ZNF676: variants seen among roughly 807,000 people sequenced by gnomAD.
ZNF676 encodes the protein zinc finger protein 676.
A neutral mutation model predicts 6.0 loss-of-function variants in ZNF676; 4 were observed. The ratio of observed to expected loss-of-function variants is 0.67; its 90% CI spans 0.33 to 1.53. The LOEUF is 1.53. Among genes scored for constraint, ZNF676 ranks in the 40% most tolerant of loss-of-function variants. The pLI is 0.06. For synonymous variants in ZNF676, 198 were observed against 223.1 expected, an observed-to-expected ratio of 0.89 and a Z score of 1.00; for missense variants, 644 against 679.7, an observed-to-expected ratio of 0.95 and a Z score of 0.58.
the ZNF676 span, among the ~76,000 whole-genome samples, chr19:22,257,347 AG>A: frequency 6.6e-6 from 1 of 152,134 alleles, no homozygotes; most frequent in African/African-American, 2.4e-5. Flanking sequence ...GTCAGGGTCA[AG>A]GTAAAAGTCT....
chr19:22,179,835 C>T lies in ZNF676; in HGVS notation c.*115G>A, dbSNP rs2023703966. 1 of 1,185,918 alleles carries T rather than the reference C, an allele frequency of 8.4e-7. No individual in the cohort carries two copies. The highest frequency in any genetic ancestry group is 1.9e-5 in the Admixed American group (1 of 51,748). The allele number at this position is 1,185,918 out of a possible 1,614,324, so 73.5% of individuals were successfully genotyped here. A position where few individuals can be genotyped will look rare whatever the true frequency, so the allele number is the denominator to read the frequency against. On this transcript the variant is annotated 3_prime_UTR_variant, in exon 3 of 3. Transcript: ENST00000397121. ...TCTTATGTGTAATAAAGATTGAGGA[C>T]TGTTTAAAAGCTTTGCCACATTCTT...
At chr19:22,192,644 C>G (rs1252877598) in intron 2 of ZNF676, among the ~76,000 whole-genome samples, 1 of 152,096 alleles carries the variant, frequency 6.6e-6, no homozygotes, top group Non-Finnish European at 1.5e-5. Flanking sequence ...CTCTCACACA[C>G]TTCAGAGATG....
intron 1 of ZNF676, among the ~76,000 whole-genome samples, chr19:22,208,965 C>T (rs935761504): frequency 2.6e-5 from 4 of 151,652 alleles, no homozygotes; most frequent in Non-Finnish European, 5.9e-5. Context: ...AATAAAAAAC[C>T]TAATAAAAAC....
intron 2 of ZNF676, among the ~76,000 whole-genome samples, chr19:22,190,668 T>TATATATAC (rs1233210246): frequency 1.2e-3 from 108 of 93,702 alleles, no homozygotes; most frequent in African/African-American, 4.9e-3. Context: ...TATATATACA[T>TATATATAC]ACACACTTTA....
At chr19:22,217,931 T>C (rs10426859), upstream of ZNF676, among the ~76,000 whole-genome samples, 5,443 of 151,770 alleles carry the variant, frequency 0.036, 321 homozygotes, top group African/African-American at 0.12. Context: ...CTGGAACTCC[T>C]GACCTCAGGT....
At chr19:22,239,960 A>G in the ZNF676 span, among the ~76,000 whole-genome samples, 4 of 152,240 alleles carry the variant, frequency 2.6e-5, no homozygotes, top group Admixed American at 2.6e-4. Context: ...AAAACCTGAC[A>G]TAGGTCACAA....
At chr19:22,217,149 C>T (rs1000681409), upstream of ZNF676, among the ~76,000 whole-genome samples, 2 of 151,992 alleles carry the variant, frequency 1.3e-5, no homozygotes, top group African/African-American at 4.8e-5. Context: ...CCCTCACCCC[C>T]TCTCCTACCC....
chr19:22,241,765 G>A, the ZNF676 span, among the ~76,000 whole-genome samples: 1 of 151,870 alleles, frequency 6.6e-6, no homozygotes, highest in Admixed American at 6.6e-5. Context: ...CTGCTCCGGA[G>A]AGGAGATTCC....
In ZNF676 at chr19:22,180,564, C is replaced by T. The variant is rs746950296; in HGVS notation, c.1153G>A (p.Ala385Thr). ...TAGGGCTTCTCTTCAGCATGAATTG[C>T]CTTATGTGTATTAAGGGTTGAGACC... ...SKVSTLNTHK[A>T]IHAEEKPYKC... Residue 385 changes from alanine to threonine, a missense_variant, in exon 3 of 3, where the codon GCA becomes ACA. This residue lies in a region of ZNF676 where 306 missense variants were observed against 265.4 expected (regional missense o/e 1.15). Coordinates refer to ENST00000397121, the MANE Select transcript of ZNF676 (RefSeq NM_001001411.3). The T allele has an allele frequency of 3.9e-5, 63 of 1,597,588 alleles. No individual in the cohort carries two copies. Among genetic ancestry groups the T allele is most frequent in the Non-Finnish European group, 4.9e-5 (58 of 1,174,658 alleles).
intron 1 of ZNF676, among the ~76,000 whole-genome samples, chr19:22,207,501 T>C (rs1172520974): frequency 1.3e-5 from 2 of 152,142 alleles, no homozygotes; most frequent in African/African-American, 4.8e-5. Flanking sequence ...ATCACTATCA[T>C]AAAAATGGCC....
chr19:22,242,922 C>T, the ZNF676 span, among the ~76,000 whole-genome samples: 24 of 151,980 alleles, frequency 1.6e-4, no homozygotes, highest in Non-Finnish European at 2.6e-4. Flanking sequence ...CCACTGTGTA[C>T]TGGTCCCAGA....
chr19:22,212,352 T>C (rs1468915492), intron 1 of ZNF676, among the ~76,000 whole-genome samples: 1 of 152,182 alleles, frequency 6.6e-6, no homozygotes, highest in Non-Finnish European at 1.5e-5. Context: ...TTATGCCCTT[T>C]GTAAATATTT....
In ZNF676 at chr19:22,196,912, G is replaced by C; in HGVS notation, c.-279C>G. ...AATGTATTCTCTAACTCTGAGAAAA[G>C]AAAGTGGTATAAGATCCATAACATC... is the stretch of plus-strand genomic sequence containing the variant. On this transcript the variant is annotated 5_prime_UTR_variant, in exon 1 of 3. Coordinates refer to ENST00000397121, the MANE Select transcript of ZNF676 (RefSeq NM_001001411.3). The C allele has an allele frequency of 1.6e-6, 1 of 611,054 alleles. No individual in the cohort carries two copies. Among genetic ancestry groups the C allele is most frequent in the Non-Finnish European group, 2.8e-6 (1 of 356,644 alleles). The allele number at this position is 611,054 out of a possible 1,614,324, so 37.9% of individuals were successfully genotyped here. A position where few individuals can be genotyped will look rare whatever the true frequency, so the allele number is the denominator to read the frequency against.
chr19:22,239,202 T>C, the ZNF676 span, among the ~76,000 whole-genome samples: 2 of 148,956 alleles, frequency 1.3e-5, no homozygotes, highest in African/African-American at 5.0e-5. Flanking sequence ...TGTGAATTTT[T>C]TTTTTTTTTT....
intron 2 of ZNF676, among the ~76,000 whole-genome samples, chr19:22,185,485 C>A (rs1253252063): frequency 1.2e-4 from 12 of 101,568 alleles, no homozygotes; most frequent in Admixed American, 5.2e-4. Flanking sequence ...CAACTCATCA[C>A]CAGCAAAAAA....
chr19:22,189,186 C>A (rs1393493962), intron 2 of ZNF676, among the ~76,000 whole-genome samples: 1 of 152,054 alleles, frequency 6.6e-6, no homozygotes, highest in Admixed American at 6.6e-5. Flanking sequence ...GAACAGAGCC[C>A]TCAGAAATAA....
intron 2 of ZNF676, among the ~76,000 whole-genome samples, chr19:22,188,095 C>T (rs10425930): frequency 0.43 from 65,216 of 151,886 alleles, 14,963 homozygotes; most frequent in African/African-American, 0.59. Context: ...CTGATGAACA[C>T]TGATGCAAAA....
At chr19:22,215,488 TGGC>T in intron 1 of ZNF676, 1 of 944,524 alleles carries the variant, frequency 1.1e-6, no homozygotes, top group South Asian at 1.5e-5. Flanking sequence ...CGCCATCTTA[TGGC>T]TGAAGGGGAC....
intron 2 of ZNF676, among the ~76,000 whole-genome samples, chr19:22,187,548 AC>A (rs1452788831): frequency 6.6e-6 from 1 of 152,026 alleles, no homozygotes; most frequent in Non-Finnish European, 1.5e-5. Context: ...GACACAAAAA[AC>A]CCTTCAAAAA....
Sources: gnomAD v4.1 joint callset for allele counts (sites outside exome capture counted in the v4.1 genomes callset) on GRCh38, gnomAD v4.1.1 for gene constraint, gnomAD v4.1.1 regional missense constraint, MANE v1.5 for transcripts, NCBI Gene and HGNC (gene_info 2026-07-23, HGNC 2026-07-21) for gene names.